SPTBN5: variants seen among roughly 807,000 people sequenced by gnomAD.
The protein encoded by SPTBN5 is spectrin beta, non-erythrocytic 5.
Under a neutral mutation model 477.6 loss-of-function variants are expected in SPTBN5, and 513 were observed. That is an observed-to-expected ratio of 1.07 (90% CI 1.00 to 1.16). SPTBN5 has a LOEUF of 1.16. SPTBN5 is among the 50% of genes most tolerant of loss of function. The pLI, the probability that SPTBN5 is intolerant of heterozygous loss-of-function variation, is 0.00. For synonymous variants in SPTBN5, 2,169 were observed against 2,011.7 expected (o/e 1.08, Z -2.09); for missense variants, 5,062 against 4,731.8 (o/e 1.07, Z -2.05).
In SPTBN5 at chr15:41,867,082, C is replaced by A; in HGVS notation, c.6357G>T (p.Arg2119=). Residue 2119 remains arginine (R), a synonymous_variant, in exon 36 of 68, where the codon CGG becomes CGT. Transcript: ENST00000320955. ...GCAGGATGGGAAGCCGGTCCCGCACCCGGGGGCGCCGGAGCGTCTTCAGCC... is the reference window on the plus strand; with the variant it reads ...GCAGGATGGGAAGCCGGTCCCGCACACGGGGGCGCCGGAGCGTCTTCAGCC... ...RERLKTLRRP[R]VRDRLPILLQ... 6.5e-7 allele frequency: 1 copy of A among 1,546,056 alleles called. No individual in the cohort carries two copies.
rs1567184570 is a variant in SPTBN5 at position 41,854,971 on chromosome 15, C to T, written c.9429G>A (p.Leu3143=). Residue 3143 remains leucine (L), a synonymous_variant, in exon 56 of 68, where the codon CTG becomes CTA. Transcript: ENST00000320955. ...TTCTGAAAGCATCAAACTTCTCTTCCAGCACCTGCAAAGGTATGAGGCCCA... is the reference window on the plus strand; with the variant it reads ...TTCTGAAAGCATCAAACTTCTCTTCTAGCACCTGCAAAGGTATGAGGCCCA... ...YGQDLEGVKV[L]EEKFDAFRKE... 3 of 1,540,922 alleles carry T rather than the reference C, an allele frequency of 1.9e-6. No individual in the cohort carries two copies. Among genetic ancestry groups the T allele is most frequent in the African/African-American group, 1.4e-5 (1 of 72,560 alleles).
In SPTBN5 at chr15:41,881,921, T is replaced by C; in HGVS notation, c.2457+15A>G. 1.3e-6 allele frequency: 2 copies of C among 1,522,800 alleles called. No homozygotes were observed. The highest frequency in any genetic ancestry group is 2.0e-5 in the Admixed American group (1 of 50,004). 94.3% of individuals were successfully genotyped at this position (1,522,800 alleles called of 1,614,324 possible). ...GCAAGGGAGACCAGGCGCCCTTCCC[T>C]GTCCCCGTCCTCACCGTGAATAACG... On this transcript the variant is annotated intron_variant, in intron 12 of 67. Coordinates refer to ENST00000320955, the MANE Select transcript of SPTBN5 (RefSeq NM_016642.4).
rs899012039 is a variant in SPTBN5 at position 41,873,538 on chromosome 15, T to C, written c.4961A>G (p.Tyr1654Cys). The C allele has an allele frequency of 3.9e-6, 6 of 1,551,916 alleles. No homozygotes were observed. Among genetic ancestry groups the C allele is most frequent in the African/African-American group, 1.4e-5 (1 of 73,026 alleles). ...EKRPLVSSRD[Y>C]GRDEAATLRL... ...GAGGGTGGCTGCCTCGTCTCTGCCATAGTCCCGACTGCTCACCAGCGGCCG... is the reference window on the plus strand; with the variant it reads ...GAGGGTGGCTGCCTCGTCTCTGCCACAGTCCCGACTGCTCACCAGCGGCCG... The change falls in exon 26 of 68, where the codon TAT becomes TGT. Residue 1654 changes from tyrosine (Y) to cysteine (C), a missense_variant. Tyr to Cys is a radical substitution (Grantham distance 194, BLOSUM62 -2). Coordinates refer to ENST00000320955, the MANE Select transcript of SPTBN5 (RefSeq NM_016642.4).
Position 41,870,372 on chromosome 15 carries a change from C to T in SPTBN5, c.5563-19G>A, listed in dbSNP as rs752216209. ...CTTTCTCCTGAGGAAGGGAGAATGC[C>T]GAGGAGATGAGGGATGGAGCGTGGG... On this transcript the variant is annotated intron_variant, in intron 30 of 67. Coordinates refer to ENST00000320955, the MANE Select transcript of SPTBN5 (RefSeq NM_016642.4). 3.1e-5 allele frequency: 49 copies of T among 1,591,296 alleles called. No individual in the cohort carries two copies. The highest frequency in any genetic ancestry group is 3.9e-5 in the Non-Finnish European group (46 of 1,169,126).
In SPTBN5 at chr15:41,862,180, G is replaced by C. The variant is rs370340431; in HGVS notation, c.7498C>G (p.Arg2500Gly). Residue 2500 changes from arginine (R) to glycine (G), a missense_variant, in exon 44 of 68, where the codon CGC (arginine) becomes GGC (glycine). Arg to Gly is a moderately radical substitution (Grantham distance 125). Transcript: ENST00000320955. ...ATACGCCGGGCTTCCACAGGGCTGC[G>C]AGGAGCGGGGCTCGTGTCCATCTGA... is the stretch of plus-strand genomic sequence containing the variant. ...RAQMDTSPAPRSPVEARRMLE... is the reference protein window; with the variant it reads ...RAQMDTSPAPGSPVEARRMLE... 1 of 1,607,832 alleles carries C rather than the reference G, an allele frequency of 6.2e-7. No individual in the cohort carries two copies. The highest frequency in any genetic ancestry group is 2.2e-5 in the East Asian group (1 of 44,720).
rs142385565 is a variant in SPTBN5 at position 41,854,272 on chromosome 15, C to T, written c.9619-67G>A. ...CCCAGGATTCCTTTCTCCCTGGAGA[C>T]ATGGCCTTCTGGGCCACCTCCTTTT... On this transcript the variant is annotated intron_variant, in intron 56 of 67. Coordinates refer to ENST00000320955, the MANE Select transcript of SPTBN5 (RefSeq NM_016642.4). The T allele has an allele frequency of 3.3e-5, 51 of 1,528,652 alleles. No individual in the cohort carries two copies. The East Asian group carries it at 1.2e-3, about 36-fold the overall frequency. The allele number at this position is 1,528,652 out of a possible 1,614,324, so 94.7% of individuals were successfully genotyped here.
At position 41,870,258 on chromosome 15, in the gene SPTBN5, C is replaced by T. The variant is rs1360042052; in HGVS notation, c.5658G>A (p.Val1886=). 3.9e-6 allele frequency: 6 copies of T among 1,550,554 alleles called. No individual in the cohort carries two copies. The South Asian group carries it at 7.1e-5, about 18-fold the overall frequency. The part of the protein sequence containing the change: ...RSHQGLEREL[V]GTERQLQELL... Reference sequence around the variant, plus strand: ...CTGGGCTCACCTGCCGCTCGGTGCCCACGAGTTCTCGCTCCAGCCCCTGGT... The same window carrying T: ...CTGGGCTCACCTGCCGCTCGGTGCCTACGAGTTCTCGCTCCAGCCCCTGGT... Residue 1886 remains valine, a synonymous_variant, in exon 31 of 68, where the codon GTG becomes GTA. Transcript: ENST00000320955.
rs1322738622 is a variant in SPTBN5 at position 41,869,879 on chromosome 15, G to C, written c.5815C>G (p.Leu1939Val). The C allele has an allele frequency of 6.4e-7, 1 of 1,552,898 alleles. No individual in the cohort carries two copies. Among genetic ancestry groups the C allele is most frequent in the Non-Finnish European group, 8.6e-7 (1 of 1,157,840 alleles). ...CGGGCCAGGAGGCGTGCCCGCTCCA[G>C]CTGGGCCCTGCGCTGCTCCATGCGT... is the stretch of plus-strand genomic sequence containing the variant. The part of the protein sequence containing the change: ...QRRMEQRRAQ[L>V]ERARLLARFR... The change falls in exon 32 of 68, where the codon CTG (leucine) becomes GTG (valine). Residue 1939 changes from leucine (L) to valine (V), a missense_variant. Coordinates refer to ENST00000320955, the MANE Select transcript of SPTBN5 (RefSeq NM_016642.4).
In SPTBN5 at chr15:41,876,956, TGC is replaced by T; in HGVS notation, c.3712-10_3712-9del. On this transcript the variant is annotated splice_polypyrimidine_tract_variant and intron_variant, in intron 18 of 67. Coordinates refer to ENST00000320955, the MANE Select transcript of SPTBN5 (RefSeq NM_016642.4). ...GGCCTCCCTCACGTCCTCCTGGGAG[TGC>T]AGAGACCTGAGGTCATGCCTGGGAG... is the stretch of plus-strand genomic sequence containing the variant. The T allele has an allele frequency of 6.2e-7, 1 of 1,601,912 alleles. No individual in the cohort carries two copies. Among genetic ancestry groups the T allele is most frequent in the Non-Finnish European group, 8.5e-7 (1 of 1,175,472 alleles).
chr15:41,851,835 G>C lies in SPTBN5; in HGVS notation c.10600C>G (p.Pro3534Ala). 1 of 1,610,410 alleles carries C rather than the reference G, an allele frequency of 6.2e-7. No homozygotes were observed. Among genetic ancestry groups the C allele is most frequent in the South Asian group, 1.1e-5 (1 of 90,858 alleles). The change falls in exon 63 of 68, where the codon CCC becomes GCC. Residue 3534 changes from proline (P) to alanine (A), a missense_variant. Coordinates refer to ENST00000320955, the MANE Select transcript of SPTBN5 (RefSeq NM_016642.4). ...TRDPQDAKGTPTMEGSLEFKQ... is the reference protein window; with the variant it reads ...TRDPQDAKGTATMEGSLEFKQ... ...AACTCCAAAGACCCCTCCATGGTGG[G>C]GGTACCCTTTGCATCCTGAAAATGC...
intron 7 of SPTBN5, among the ~76,000 whole-genome samples, chr15:41,884,627 C>T (rs999265254): frequency 6.6e-6 from 1 of 152,164 alleles, no homozygotes; most frequent in East Asian, 1.9e-4. Context: ...AGGTGAGCAT[C>T]GCAAAACAAA....
Position 41,878,322 on chromosome 15 carries a change from T to A in SPTBN5, c.3470+20A>T, listed in dbSNP as rs1463188920. 1 of 1,609,638 alleles carries A rather than the reference T, an allele frequency of 6.2e-7. No homozygotes were observed. Among genetic ancestry groups the A allele is most frequent in the Non-Finnish European group, 8.5e-7 (1 of 1,177,368 alleles). On this transcript the variant is annotated intron_variant, in intron 17 of 67. Transcript: ENST00000320955. ...CTGGTCCCAGCCCAAAGTGCACCCCTTCTGCCCTCCTGTCCTGACCTCTCC... is the reference window on the plus strand; with the variant it reads ...CTGGTCCCAGCCCAAAGTGCACCCCATCTGCCCTCCTGTCCTGACCTCTCC...
intron 53 of SPTBN5, among the ~76,000 whole-genome samples, chr15:41,855,971 T>C (rs2065920078): frequency 6.6e-6 from 1 of 152,252 alleles, no homozygotes; most frequent in Admixed American, 6.5e-5. Context: ...AAAATAGACA[T>C]TTTATTCTTG....
In SPTBN5 at chr15:41,880,154, C is replaced by A. The variant is rs754223909; in HGVS notation, c.2811+6G>T. On this transcript the variant is annotated splice_donor_region_variant and intron_variant, in intron 14 of 67. Transcript: ENST00000320955. ...AGGAGGAGGTGCCAAGCTCCCAGGG[C>A]TGTACCTCATATTTGAGCTGCATGA... The A allele has an allele frequency of 1.5e-5, 24 of 1,592,254 alleles. No homozygotes were observed. In the Admixed American group the frequency reaches 4.1e-4, roughly 27 times the overall value.
In SPTBN5 at chr15:41,862,664, C is replaced by T. The variant is rs569098998; in HGVS notation, c.7264-4G>A. 4.3e-5 allele frequency: 66 copies of T among 1,547,504 alleles called. No individual in the cohort carries two copies. The Admixed American group carries it at 8.7e-4, about 20-fold the overall frequency. On this transcript the variant is annotated splice_polypyrimidine_tract_variant and splice_region_variant and intron_variant, in intron 42 of 67. Coordinates refer to ENST00000320955, the MANE Select transcript of SPTBN5 (RefSeq NM_016642.4). ...GGCCCACTTCACGCTCTAGGGACTG[C>T]GGGGGAAGCCGGGGTCAGAGGCTGG...
In SPTBN5 at chr15:41,851,445, T is replaced by C. The variant is rs1248430577; in HGVS notation, c.10657-76A>G. On this transcript the variant is annotated intron_variant, in intron 63 of 67. Coordinates refer to ENST00000320955, the MANE Select transcript of SPTBN5 (RefSeq NM_016642.4). ...GCTAGGGCCTGTCCACGCCTCACCATGTGTGTGGAGCTTCCCAGGAAAAGC... is the reference window on the plus strand; with the variant it reads ...GCTAGGGCCTGTCCACGCCTCACCACGTGTGTGGAGCTTCCCAGGAAAAGC... 20 of 1,080,012 alleles carry C rather than the reference T, an allele frequency of 1.9e-5. No individual in the cohort carries two copies. In the East Asian group the frequency reaches 4.1e-4, roughly 22 times the overall value. The allele number at this position is 1,080,012 out of a possible 1,614,324, so 66.9% of individuals were successfully genotyped here.
chr15:41,870,678 C>A lies in SPTBN5; in HGVS notation c.5448-118G>T, dbSNP rs77237323. 436 of 799,838 alleles carry A rather than the reference C, an allele frequency of 5.5e-4. 2 individuals are homozygous for A. The East Asian group carries it at 0.011, about 20-fold the overall frequency. 49.5% of individuals were successfully genotyped at this position (799,838 alleles called of 1,614,324 possible). On this transcript the variant is annotated intron_variant, in intron 29 of 67. Coordinates refer to ENST00000320955, the MANE Select transcript of SPTBN5 (RefSeq NM_016642.4). ...GAGTTGTATCGGGACTTGCCCAAAG[C>A]TCCTCCTTCTTAAAACCTCTCCCGC...
At chr15:41,852,354 C>G in intron 61 of SPTBN5, 38 bp from the exon 62 acceptor site, 1 of 1,523,270 alleles carries the variant, frequency 6.6e-7, no homozygotes, top group Non-Finnish European at 8.9e-7. Flanking sequence ...TGAGCCAGGT[C>G]AGGGAGACCA....
At position 41,881,243 on chromosome 15, in the gene SPTBN5, C is replaced by A. The variant is rs1173966176; in HGVS notation, c.2458-9G>T. The A allele has an allele frequency of 3.1e-6, 5 of 1,596,048 alleles. No homozygotes were observed. In the African/African-American group the frequency reaches 5.4e-5, roughly 17 times the overall value. On this transcript the variant is annotated splice_polypyrimidine_tract_variant and intron_variant, in intron 12 of 67. Transcript: ENST00000320955. ...CTCAGGGCAGAGTTCACCTGTGTGA[C>A]AAAGGGCAGCGCGTCTACAGGCGAC...
Sources: allele counts gnomAD v4.1 joint callset (sites outside exome capture counted in the v4.1 genomes callset), GRCh38; gene constraint gnomAD v4.1.1; transcripts MANE v1.5; gene names NCBI Gene and HGNC (gene_info 2026-07-23, HGNC 2026-07-21).